The following STAT4 variants were observed in gnomAD, a reference collection of about 807,000 sequenced individuals.
STAT4 encodes the protein signal transducer and activator of transcription 4.
STAT4 carries 42 observed loss-of-function variants against 110.5 expected under a neutral mutation model. The observed-to-expected ratio is 0.38, with a 90% CI of 0.30 to 0.49. STAT4 has a LOEUF of 0.49. Among genes scored for constraint, STAT4 ranks in the 20% least tolerant of loss-of-function variants. The pLI is 0.95. For missense variants in STAT4, 632 were observed against 887.9 expected (o/e 0.71, Z 3.66); for synonymous variants, 284 against 302.2 (o/e 0.94, Z 0.63).
In STAT4 at chr2:191,086,395, G is replaced by A. The variant is rs1697637422; in HGVS notation, c.274-10070C>T. 1.3e-5 allele frequency among the ~76,000 whole-genome samples: 2 copies of A among 152,112 alleles called. No homozygotes were observed. Among genetic ancestry groups the A allele is most frequent in the African/African-American group, 4.8e-5 (2 of 41,424 alleles). On this transcript the variant is annotated intron_variant, in intron 3 of 23. Coordinates refer to ENST00000392320, the MANE Select transcript of STAT4 (RefSeq NM_003151.4). The surrounding 1 kb of genome is among the most constrained non-coding windows in gnomAD (Gnocchi z 5.5). ...TGGCTGGGCTTGAGGCTTTTAAAAG[G>A]TCTAATTTGAGAGTCCTTATTTTTA...
chr2:191,103,279 G>A (rs1048941318), intron 3 of STAT4, among the ~76,000 whole-genome samples: 1 of 152,138 alleles, frequency 6.6e-6, no homozygotes, highest in South Asian at 2.1e-4. Context: ...AGAGGAAAGT[G>A]GGGTTGACTT....
In STAT4 at chr2:191,135,469, T is replaced by C. The variant is rs1203486892; in HGVS notation, c.273+11144A>G. On this transcript the variant is annotated intron_variant, in intron 3 of 23. Coordinates refer to ENST00000392320, the MANE Select transcript of STAT4 (RefSeq NM_003151.4). This position sits in a 1 kb window ranked among gnomAD's most constrained non-coding sequence, Gnocchi z 4.8. ...GTCGAATTCTTTGTTGTTGTTGTTG[T>C]TATTGTTTTTGTTTGTTTGTTTGAG... Among the ~76,000 whole-genome samples the C allele has an allele frequency of 6.6e-6, 1 of 152,106 alleles. No individual in the cohort carries two copies. Among genetic ancestry groups the C allele is most frequent in the Non-Finnish European group, 1.5e-5 (1 of 67,988 alleles).
Position 191,112,984 on chromosome 2 carries a change from C to T in STAT4, c.273+33629G>A, listed in dbSNP as rs1698466380. 6.6e-6 allele frequency among the ~76,000 whole-genome samples: 1 copy of T among 152,240 alleles called. No individual in the cohort carries two copies. Among genetic ancestry groups the T allele is most frequent in the African/African-American group, 2.4e-5 (1 of 41,470 alleles). Reference sequence around the variant, plus strand: ...TGCTCCCTAGCAGGAAGGGCATTCCCATAGCTCTCTGCTGTTCTTGCCCAT... The same window carrying T: ...TGCTCCCTAGCAGGAAGGGCATTCCTATAGCTCTCTGCTGTTCTTGCCCAT... On this transcript the variant is annotated intron_variant, in intron 3 of 23. Transcript: ENST00000392320. This position sits in a 1 kb window ranked among gnomAD's most constrained non-coding sequence, Gnocchi z 4.3.
intron 17 of STAT4, 85 bp from the exon 18 acceptor site, chr2:191,034,682 C>T: frequency 2.0e-6 from 2 of 989,792 alleles, no homozygotes; most frequent in Non-Finnish European, 3.3e-6. Context: ...TTGCCTCTTC[C>T]CTTTCAAGCA....
chr2:191,045,005 C>T (rs544649630), intron 14 of STAT4, among the ~76,000 whole-genome samples: 2 of 152,172 alleles, frequency 1.3e-5, no homozygotes, highest in South Asian at 2.1e-4. Context: ...ACATCGAATA[C>T]ATTGAGTAAA....
chr2:191,057,063 G>A (rs55822387), intron 13 of STAT4, among the ~76,000 whole-genome samples: 5 of 152,132 alleles, frequency 3.3e-5, no homozygotes, highest in Non-Finnish European at 7.4e-5. Context: ...GATTAGAGGC[G>A]TGAGCCACCG....
At position 191,091,576 on chromosome 2, in the gene STAT4, C is replaced by G. The variant is rs965627479; in HGVS notation, c.274-15251G>C. ...AGGGTTTGAGGTTGAAGGAAAGAGT[C>G]AATGAAGTGATCTTAAAGTTCATAT... On this transcript the variant is annotated intron_variant, in intron 3 of 23. Transcript: ENST00000392320. The surrounding 1 kb of genome is among the most constrained non-coding windows in gnomAD (Gnocchi z 5.4). 5.9e-5 allele frequency among the ~76,000 whole-genome samples: 9 copies of G among 152,136 alleles called. No homozygotes were observed. The highest frequency in any genetic ancestry group is 2.2e-4 in the African/African-American group (9 of 41,426).
intron 3 of STAT4, among the ~76,000 whole-genome samples, chr2:191,125,886 G>C (rs767096980): frequency 1.6e-4 from 25 of 152,170 alleles, no homozygotes; most frequent in Non-Finnish European, 3.4e-4. Context: ...TGAAAGGTCA[G>C]AGGGTGCCTG....
In STAT4 at chr2:191,066,319, A is replaced by G. The variant is rs1696984798; in HGVS notation, c.630+111T>C. On this transcript the variant is annotated intron_variant, in intron 7 of 23. Coordinates refer to ENST00000392320, the MANE Select transcript of STAT4 (RefSeq NM_003151.4). The surrounding 1 kb of genome is among the most constrained non-coding windows in gnomAD (Gnocchi z 4.3). ...TTCCTAGAAACCTTGCCGTTTCTTC[A>G]TTCAGTAAATGGAACTGATAAAATC... 14 of 957,852 alleles carry G rather than the reference A, an allele frequency of 1.5e-5. No individual in the cohort carries two copies. The highest frequency in any genetic ancestry group is 2.2e-5 in the Non-Finnish European group (14 of 628,852). 59.3% of individuals were successfully genotyped at this position (957,852 alleles called of 1,614,324 possible).
At chr2:191,151,339 G>T (rs1699585646), upstream of STAT4, 1 of 985,450 alleles carries the variant, frequency 1.0e-6, no homozygotes, top group African/African-American at 1.7e-5. This position sits in a 1 kb window ranked among gnomAD's most constrained non-coding sequence, Gnocchi z 4.7. Context: ...CTTACCTGGA[G>T]CCCAGTTCTT....
chr2:191,050,661 A>C lies in STAT4; in HGVS notation c.1251+3829T>G, dbSNP rs143359357. Among the ~76,000 whole-genome samples, 32 of 152,160 alleles carry C rather than the reference A, an allele frequency of 2.1e-4. No individual in the cohort carries two copies. Among genetic ancestry groups the C allele is most frequent in the Middle Eastern group, 3.4e-3 (1 of 294 alleles). ...CACCAGAGTTTCCATCTGTAAATAT[A>C]TAAAATAAAGCTGCCTTGATAGAAA... On this transcript the variant is annotated intron_variant, in intron 14 of 23. Coordinates refer to ENST00000392320, the MANE Select transcript of STAT4 (RefSeq NM_003151.4). This position sits in a 1 kb window ranked among gnomAD's most constrained non-coding sequence, Gnocchi z 4.3.
In STAT4 at chr2:191,034,533, C is replaced by G. The variant is rs1396254362; in HGVS notation, c.1620+15G>C. On this transcript the variant is annotated intron_variant, in intron 18 of 23. Transcript: ENST00000392320. ...AAAAAATGTATCTAAATGATGTTTC[C>G]CCGACCGTTTGTACCTTGCAGAACT... is the stretch of plus-strand genomic sequence containing the variant. The G allele has an allele frequency of 6.2e-7, 1 of 1,604,558 alleles. No homozygotes were observed. The highest frequency in any genetic ancestry group is 1.1e-5 in the South Asian group (1 of 90,836).
At chr2:191,106,698 A>AAAATAAAAT (rs941241495) in intron 3 of STAT4, among the ~76,000 whole-genome samples, 1 of 151,674 alleles carries the variant, frequency 6.6e-6, no homozygotes, top group East Asian at 1.9e-4. Context: ...AAAATAAAAT[A>AAAATAAAAT]AAAAAATGTA....
chr2:191,123,885 G>A lies in STAT4; in HGVS notation c.273+22728C>T, dbSNP rs76703587. On this transcript the variant is annotated intron_variant, in intron 3 of 23. Transcript: ENST00000392320. ...CAAAATTTGAAGTATGGTTCCTACT[G>A]GGTGTGTATTGCTTTTGTACCATCA... 7.9e-4 allele frequency among the ~76,000 whole-genome samples: 121 copies of A among 152,256 alleles called. 1 individual carries two copies. In the East Asian group the frequency reaches 0.021, roughly 27 times the overall value.
chr2:191,069,572 C>T, intron 6 of STAT4, 121 bp downstream of exon 6: 1 of 738,486 alleles, frequency 1.4e-6, no homozygotes. Context: ...AAAATACTCC[C>T]TGTATTTCCC....
In STAT4 at chr2:191,037,789, T is replaced by A. The variant is rs975507141; in HGVS notation, c.1434+1410A>T. 6.6e-6 allele frequency among the ~76,000 whole-genome samples: 1 copy of A among 152,098 alleles called. No homozygotes were observed. Among genetic ancestry groups the A allele is most frequent in the Non-Finnish European group, 1.5e-5 (1 of 68,018 alleles). On this transcript the variant is annotated intron_variant, in intron 16 of 23. Transcript: ENST00000392320. The surrounding 1 kb of genome is among the most constrained non-coding windows in gnomAD (Gnocchi z 4.8). The stretch of plus-strand genomic sequence containing the variant: ...TGAAGAGAAAGAATTTCTAGGGAGA[T>A]GGTTTTTTGTGAACCTGAGAATGGT...
At chr2:191,057,974 T>G (rs377696671) in intron 13 of STAT4, 44 bp downstream of exon 13, 1 of 1,487,534 alleles carries the variant, frequency 6.7e-7, no homozygotes, top group South Asian at 1.1e-5. Context: ...AGATGTCTGA[T>G]TTTGGGGAAA....
intron 3 of STAT4, chr2:191,131,613 C>A: frequency 2.1e-6 from 1 of 487,780 alleles, no homozygotes; most frequent in Non-Finnish European, 3.2e-6. Context: ...TTGCTCCAGG[C>A]GGAAAGAGAG....
rs543544081 is a variant in STAT4, at chr2:191,122,037, G to A, written c.273+24576C>T. On this transcript the variant is annotated intron_variant, in intron 3 of 23. Transcript: ENST00000392320. ...CTGATCAAGAATGACACACAAATTT[G>A]TAAAGCATTCCATATTTTTTTTGTT... 6 of 152,170 alleles carry A rather than the reference G, an allele frequency of 3.9e-5. No individual in the cohort carries two copies. The South Asian group carries it at 1.2e-3, about 32-fold the overall frequency. The allele number at this position is 152,170 out of a possible 1,614,324, so 9.4% of individuals were successfully genotyped here.
Sources: gnomAD v4.1 joint callset for allele counts (sites outside exome capture counted in the v4.1 genomes callset) on GRCh38, gnomAD v4.1.1 for gene constraint, Gnocchi (gnomAD v3.1) non-coding constraint, MANE v1.5 for transcripts, NCBI Gene and HGNC (gene_info 2026-07-23, HGNC 2026-07-21) for gene names.